The following LRPAP1 variants were observed in gnomAD, a reference collection of about 807,000 sequenced individuals.
The protein encoded by LRPAP1 is LDL receptor related protein associated protein 1.
A neutral mutation model predicts 39.9 loss-of-function variants in LRPAP1; 41 were observed. The observed-to-expected ratio is 1.03, with a 90% confidence interval of 0.80 to 1.33. The LOEUF (loss-of-function observed/expected upper bound fraction) is 1.33. LRPAP1 is among the 40% of genes most tolerant of loss of function. The pLI, the probability that LRPAP1 is intolerant of heterozygous loss-of-function variation, is 0.00. For missense variants in LRPAP1, 565 were observed against 482.3 expected (o/e 1.17, Z -1.61); for synonymous variants, 263 against 212.7 (o/e 1.24, Z -2.06).
chr4:3,506,069 C>CTT lies in LRPAP1; in HGVS notation c.*6903_*6904dup. Among the ~76,000 whole-genome samples, 1 of 147,324 alleles carries CTT rather than the reference C, an allele frequency of 6.8e-6. No individual in the cohort carries two copies. ...ATTGAGATATTTTTAAATTTTCAAG[C>CTT]TTTTTTTTTTTGAGACAGAGTCTTG... On this transcript the variant is annotated 3_prime_UTR_variant, in exon 8 of 8. Transcript: ENST00000650182.
chr4:3,515,051 G>A lies in LRPAP1; in HGVS notation c.835-123C>T, dbSNP rs937249377. The stretch of plus-strand genomic sequence containing the variant: ...ATACCCGGGGCAGGACAGGCCTTGC[G>A]GTGACATGGGCAATGAGGGGGCGGC... On this transcript the variant is annotated intron_variant, in intron 6 of 7. Coordinates refer to ENST00000650182, the MANE Select transcript of LRPAP1 (RefSeq NM_002337.4). 4.9e-5 allele frequency: 53 copies of A among 1,076,660 alleles called. No homozygotes were observed. In the Admixed American group the frequency reaches 7.8e-4, roughly 16 times the overall value. The allele number at this position is 1,076,660 out of a possible 1,614,324, so 66.7% of individuals were successfully genotyped here.
chr4:3,516,599 G>A (rs958106924), intron 5 of LRPAP1, among the ~76,000 whole-genome samples: 5 of 152,256 alleles, frequency 3.3e-5, no homozygotes, highest in East Asian at 1.9e-4. Context: ...AGGTCCAGAC[G>A]CAGGCACAGG....
chr4:3,528,266 G>A (rs928617840), intron 1 of LRPAP1, among the ~76,000 whole-genome samples: 2 of 152,228 alleles, frequency 1.3e-5, no homozygotes, highest in Non-Finnish European at 2.9e-5. Context: ...GGGTATACAT[G>A]CAGGCAAGAA....
rs1395962039 is a variant in LRPAP1 at position 3,518,151 on chromosome 4, T to C, written c.634A>G (p.Ile212Val). 6.2e-7 allele frequency: 1 copy of C among 1,613,548 alleles called. No homozygotes were observed. Among genetic ancestry groups the C allele is most frequent in the African/African-American group, 1.3e-5 (1 of 75,062 alleles). The change falls in exon 5 of 8, where the codon ATC becomes GTC. Residue 212 changes from isoleucine (I) to valine (V), a missense_variant. Ile to Val is a conservative substitution (Grantham distance 29). Coordinates refer to ENST00000650182, the MANE Select transcript of LRPAP1 (RefSeq NM_002337.4). ...CTGCTGTGCAGGACGCTGCCCTTGA[T>C]GTCGCTCAGGTCCGAGGGGCTAATG... ...NVISPSDLSD[I>V]KGSVLHSRHT...
rs146941138 is a variant in LRPAP1, at chr4:3,522,284, G to A, written c.350-2091C>T. ...AGCCTGGCTCAAGCCTTCCTAGTTGGAGCCAAAAGCTCTGAGCCAGAGCCC... is the reference window on the plus strand; with the variant it reads ...AGCCTGGCTCAAGCCTTCCTAGTTGAAGCCAAAAGCTCTGAGCCAGAGCCC... On this transcript the variant is annotated intron_variant, in intron 2 of 7. Transcript: ENST00000650182. Among the ~76,000 whole-genome samples, 138 of 152,348 alleles carry A rather than the reference G, an allele frequency of 9.1e-4. 1 individual carries two copies. The highest frequency in any genetic ancestry group is 3.2e-3 in the African/African-American group (133 of 41,572).
At chr4:3,520,249 G>A in intron 2 of LRPAP1, 56 bp from the exon 3 acceptor site, 1 of 1,585,466 alleles carries the variant, frequency 6.3e-7, no homozygotes, top group South Asian at 1.1e-5. Context: ...ACAGTCAAAA[G>A]CCAACACATC....
intron 1 of LRPAP1, 180 bp downstream of exon 1, chr4:3,532,026 TGCA>T: frequency 5.9e-6 from 4 of 676,470 alleles, no homozygotes; most frequent in South Asian, 2.0e-5. Flanking sequence ...CCTTTCCTGC[TGCA>T]GAAGGGGTCG....
intron 2 of LRPAP1, among the ~76,000 whole-genome samples, chr4:3,522,147 C>T (rs1344929174): frequency 2.0e-5 from 3 of 152,226 alleles, no homozygotes; most frequent in Non-Finnish European, 2.9e-5. Flanking sequence ...CCCCCAAGTC[C>T]AGCCACTGCT....
rs1192488567 is a variant in LRPAP1 at position 3,516,922 on chromosome 4, A to C, written c.752-724T>G. Among the ~76,000 whole-genome samples, 3 of 152,334 alleles carry C rather than the reference A, an allele frequency of 2.0e-5. No individual in the cohort carries two copies. In the East Asian group the frequency reaches 5.8e-4, roughly 29 times the overall value. ...AAGGCCCAGGCAGACCCGCAAGAGA[A>C]CTGCAGGAGCCGCTGGACACAACTG... On this transcript the variant is annotated intron_variant, in intron 5 of 7. Transcript: ENST00000650182.
Position 3,514,787 on chromosome 4 carries a change from G to A in LRPAP1, c.976C>T (p.Leu326=), listed in dbSNP as rs779078377. 3.7e-6 allele frequency: 6 copies of A among 1,612,424 alleles called. No individual in the cohort carries two copies. The Admixed American group carries it at 6.7e-5, about 18-fold the overall frequency. The change falls in exon 7 of 8, where the codon CTG becomes TTG. Residue 326 remains leucine, a synonymous_variant. Coordinates refer to ENST00000650182, the MANE Select transcript of LRPAP1 (RefSeq NM_002337.4). ...AGCTCCTTGGTCCGCCCCTCCAGCA[G>A]GGCGTGCTTCTCGCGGCTGCGGCTC... The part of the protein sequence containing the change: ...RVSRSREKHA[L]LEGRTKELGY...
chr4:3,529,039 G>C (rs938430905), intron 1 of LRPAP1, among the ~76,000 whole-genome samples: 1 of 152,140 alleles, frequency 6.6e-6, no homozygotes, highest in East Asian at 1.9e-4. Flanking sequence ...GACTGTCTGC[G>C]TGCGGTGCCT....
chr4:3,514,572 G>C (rs1344275920), intron 7 of LRPAP1, among the ~76,000 whole-genome samples, 180 bp downstream of exon 7: 2 of 152,246 alleles, frequency 1.3e-5, no homozygotes, highest in African/African-American at 4.8e-5. Flanking sequence ...GGCTCCCCTA[G>C]CATGGCTGCT....
Position 3,511,208 on chromosome 4 carries a change from A to G in LRPAP1, c.*1766T>C, listed in dbSNP as rs1273767980. The G allele has an allele frequency of 1.3e-5, 2 of 152,338 alleles. No individual in the cohort carries two copies. The highest frequency in any genetic ancestry group is 4.8e-5 in the African/African-American group (2 of 41,410). 9.4% of individuals were successfully genotyped at this position (152,338 alleles called of 1,614,324 possible). On this transcript the variant is annotated 3_prime_UTR_variant, in exon 8 of 8. Coordinates refer to ENST00000650182, the MANE Select transcript of LRPAP1 (RefSeq NM_002337.4). ...ATACTTGGACAACACGCTTCGTAAG[A>G]TCCATTAGGTGCTCCTAGAGTTGGC...
chr4:3,524,721 CAA>C (rs957845535), intron 2 of LRPAP1, among the ~76,000 whole-genome samples, 184 bp downstream of exon 2: 1 of 152,242 alleles, frequency 6.6e-6, no homozygotes, highest in Non-Finnish European at 1.5e-5. Context: ...GGTGAGCCCC[CAA>C]CACAAATCCT....
At chr4:3,530,260 C>G (rs1403177149) in intron 1 of LRPAP1, among the ~76,000 whole-genome samples, 4 of 152,140 alleles carry the variant, frequency 2.6e-5, no homozygotes, top group African/African-American at 4.8e-5. Context: ...AAGACCCGGA[C>G]GGGTCTGACG....
intron 1 of LRPAP1, 45 bp from the exon 2 acceptor site, chr4:3,525,096 C>G (rs369979869): frequency 6.2e-7 from 1 of 1,609,946 alleles, no homozygotes; most frequent in African/African-American, 1.3e-5. Flanking sequence ...GCAGGACGGA[C>G]CAGGACACAG....
chr4:3,514,673 A>C, intron 7 of LRPAP1, 79 bp downstream of exon 7: 7 of 1,493,374 alleles, frequency 4.7e-6, no homozygotes, highest in Non-Finnish European at 6.3e-6. Context: ...ATCTACAGGA[A>C]GCCCTGAGCT....
chr4:3,523,261 T>TG (rs1729973892), intron 2 of LRPAP1, among the ~76,000 whole-genome samples: 5 of 152,150 alleles, frequency 3.3e-5, no homozygotes, highest in Admixed American at 3.3e-4. Context: ...CCCTTCTTCC[T>TG]GGGGGCACCT....
intron 5 of LRPAP1, among the ~76,000 whole-genome samples, chr4:3,517,357 G>C (rs1030755055): frequency 3.9e-5 from 6 of 152,260 alleles, no homozygotes; most frequent in African/African-American, 1.4e-4. Flanking sequence ...ATCACCATGA[G>C]GGCACAGATG....
Sources: gnomAD v4.1 joint callset for allele counts (sites outside exome capture counted in the v4.1 genomes callset) on GRCh38, gnomAD v4.1.1 for gene constraint, MANE v1.5 for transcripts, NCBI Gene and HGNC (gene_info 2026-07-23, HGNC 2026-07-21) for gene names.